Variants in LPAR1 observed in about 807,000 individuals in gnomAD.
LPAR1 encodes the protein LPA receptor 1.
In LPAR1, 5 loss-of-function variants were observed where a neutral mutation model predicts 23.8. The ratio of observed to expected loss-of-function variants is 0.21; its 90% CI spans 0.11 to 0.44. LPAR1 has a LOEUF of 0.44. Ranked by LOEUF, LPAR1 falls within the 20% of genes least tolerant of loss-of-function variation. The probability of loss-of-function intolerance (pLI) is 0.99; values close to 1 mark genes in which losing one functional copy is unlikely to be tolerated. For synonymous variants in LPAR1, 160 were observed against 164.7 expected (o/e 0.97, Z 0.22); for missense variants, 311 against 482.8 (o/e 0.64, Z 3.33).
chr9:110,991,579 T>TTTGTTGTTG lies in LPAR1; in HGVS notation c.-181-18030_-181-18022dup, dbSNP rs199560980. ...GTCTGATAGAATCTTTCTGGTTTGT[T>TTTGTTGTTG]TTGTTGTTGTTGTTGTTGTTGTTGT... On this transcript the variant is annotated intron_variant, in intron 2 of 5. Coordinates refer to ENST00000683809, the MANE Select transcript of LPAR1 (RefSeq NM_001351411.2). 3.7e-3 allele frequency among the ~76,000 whole-genome samples: 268 copies of TTTGTTGTTG among 73,036 alleles called. 1 individual carries two copies. Among genetic ancestry groups the TTTGTTGTTG allele is most frequent in the African/African-American group, 6.2e-3 (134 of 21,524 alleles). The allele number at this position is 73,036 out of a possible 152,430, so 47.9% of individuals were successfully genotyped here. A position where few individuals can be genotyped will look rare whatever the true frequency, so the allele number is the denominator to read the frequency against.
chr9:110,916,537 T>C (rs1368144039), intron 5 of LPAR1, among the ~76,000 whole-genome samples: 2 of 152,212 alleles, frequency 1.3e-5, no homozygotes, highest in African/African-American at 2.4e-5. Flanking sequence ...TAATAAGTAT[T>C]GCATGCAGGC....
chr9:111,000,517 G>C (rs1243224780), intron 2 of LPAR1, among the ~76,000 whole-genome samples: 1 of 152,178 alleles, frequency 6.6e-6, no homozygotes, highest in Non-Finnish European at 1.5e-5. Context: ...CTTGCACAAA[G>C]GCATCAGGCT....
chr9:110,972,289 C>T (rs957205378), intron 3 of LPAR1, 69 bp from the exon 4 acceptor site: 2 of 604,110 alleles, frequency 3.3e-6, no homozygotes, highest in East Asian at 2.8e-5. Flanking sequence ...GTACCATTGG[C>T]CAAAGGAGGT....
At chr9:110,891,351 G>C (rs149118063) in intron 5 of LPAR1, among the ~76,000 whole-genome samples, 148 of 152,164 alleles carry the variant, frequency 9.7e-4, no homozygotes, top group African/African-American at 3.5e-3. Context: ...AATGGAACTA[G>C]TACCATATTC....
At chr9:111,032,122 C>T (rs1229568954) in intron 2 of LPAR1, among the ~76,000 whole-genome samples, 9 of 152,182 alleles carry the variant, frequency 5.9e-5, no homozygotes, top group African/African-American at 2.2e-4. Flanking sequence ...TTAAGGAACA[C>T]ATAGTAAATG....
At chr9:111,037,571 C>G (rs575165973) in intron 1 of LPAR1, among the ~76,000 whole-genome samples, 1 of 152,392 alleles carries the variant, frequency 6.6e-6, no homozygotes, top group East Asian at 1.9e-4. Flanking sequence ...TTACAACCTC[C>G]TGTTACTTGT....
At chr9:111,023,942 A>G (rs1388634497) in intron 2 of LPAR1, among the ~76,000 whole-genome samples, 1 of 152,226 alleles carries the variant, frequency 6.6e-6, no homozygotes, top group Non-Finnish European at 1.5e-5. Flanking sequence ...AAATGTCCCA[A>G]TAAAACTCAT....
intron 5 of LPAR1, among the ~76,000 whole-genome samples, chr9:110,904,787 C>A (rs888292682): frequency 1.3e-5 from 2 of 152,162 alleles, no homozygotes; most frequent in Non-Finnish European, 2.9e-5. Flanking sequence ...TAATTCTATA[C>A]ATTATTACAG....
intron 5 of LPAR1, among the ~76,000 whole-genome samples, chr9:110,908,988 G>C (rs1268805215): frequency 6.6e-6 from 1 of 152,044 alleles, no homozygotes; most frequent in African/African-American, 2.4e-5. Context: ...TCTTGGGAAA[G>C]GACCTTCAGG....
At chr9:110,986,232 G>A (rs1456430874) in intron 2 of LPAR1, among the ~76,000 whole-genome samples, 2 of 152,082 alleles carry the variant, frequency 1.3e-5, no homozygotes, top group African/African-American at 4.8e-5. Flanking sequence ...CCTATAGGGT[G>A]GATACATTTC....
intron 2 of LPAR1, among the ~76,000 whole-genome samples, chr9:110,983,019 A>C (rs2139112703): frequency 6.6e-6 from 1 of 152,154 alleles, no homozygotes; most frequent in Admixed American, 6.6e-5. Flanking sequence ...GAAAAGAAGT[A>C]TTAGCAAGGA....
At chr9:110,917,197 A>C (rs1310675148) in intron 5 of LPAR1, among the ~76,000 whole-genome samples, 2 of 151,478 alleles carry the variant, frequency 1.3e-5, no homozygotes, top group Admixed American at 6.6e-5. Context: ...AAAAAAAAAA[A>C]AATTAGCCAG....
intron 5 of LPAR1, among the ~76,000 whole-genome samples, chr9:110,899,383 A>C (rs1483983708): frequency 6.6e-6 from 1 of 152,226 alleles, no homozygotes; most frequent in Non-Finnish European, 1.5e-5. Context: ...CATAAATAAT[A>C]TCAAGCAGCT....
At chr9:110,944,532 A>C (rs2095304265) in intron 4 of LPAR1, among the ~76,000 whole-genome samples, 1 of 152,204 alleles carries the variant, frequency 6.6e-6, no homozygotes, top group Non-Finnish European at 1.5e-5. Flanking sequence ...AAATGTTTAA[A>C]CCAAATATCA....
intron 2 of LPAR1, among the ~76,000 whole-genome samples, chr9:110,984,034 G>C (rs2096728413): frequency 6.6e-6 from 1 of 151,816 alleles, no homozygotes. Flanking sequence ...TTCTGATGCA[G>C]GCATGCAATA....
chr9:111,013,405 T>G (rs754334005), intron 2 of LPAR1, among the ~76,000 whole-genome samples: 2 of 152,174 alleles, frequency 1.3e-5, no homozygotes, highest in Non-Finnish European at 2.9e-5. Context: ...TAATGTTACC[T>G]TAAAAAGAAC....
intron 2 of LPAR1, among the ~76,000 whole-genome samples, chr9:111,029,855 A>C (rs2097765508): frequency 6.6e-6 from 1 of 151,958 alleles, no homozygotes; most frequent in Non-Finnish European, 1.5e-5. Flanking sequence ...GTTCAAGACC[A>C]GCCTGGCCAA....
At chr9:110,940,050 C>T (rs2094983549) in intron 5 of LPAR1, among the ~76,000 whole-genome samples, 2 of 152,114 alleles carry the variant, frequency 1.3e-5, no homozygotes, top group South Asian at 4.1e-4. Context: ...ACAGAGAAAC[C>T]ATTTTTGTAG....
intron 5 of LPAR1, among the ~76,000 whole-genome samples, chr9:110,916,023 G>C (rs1341606692): frequency 6.6e-6 from 1 of 152,010 alleles, no homozygotes; most frequent in African/African-American, 2.4e-5. Flanking sequence ...TAAAATGTTA[G>C]ATGTTAAATT....
Sources: gnomAD v4.1 joint callset for allele counts (sites outside exome capture counted in the v4.1 genomes callset) on GRCh38, gnomAD v4.1.1 for gene constraint, MANE v1.5 for transcripts, NCBI Gene and HGNC (gene_info 2026-07-23, HGNC 2026-07-21) for gene names.